Variants in ACBD7 observed in about 807,000 individuals in gnomAD.
ACBD7 encodes the protein acyl-CoA-binding domain-containing protein 7.
A neutral mutation model predicts 13.7 loss-of-function variants in ACBD7; 11 were observed. The observed-to-expected ratio is 0.80, with a 90% CI of 0.50 to 1.33. The LOEUF (loss-of-function observed/expected upper bound fraction) is 1.33. Ranked by LOEUF, ACBD7 falls within the 40% of genes most tolerant of loss-of-function variation. The pLI, the probability that ACBD7 is intolerant of heterozygous loss-of-function variation, is 0.00. For synonymous variants in ACBD7, 43 were observed against 37.7 expected, an observed-to-expected ratio of 1.14 and a Z score of -0.51; for missense variants, 111 against 103.0, an observed-to-expected ratio of 1.08 and a Z score of -0.33.
At chr10:15,084,018 C>T (rs769643032) in intron 1 of ACBD7, among the ~76,000 whole-genome samples, 7 of 152,156 alleles carry the variant, frequency 4.6e-5, no homozygotes, top group Non-Finnish European at 8.8e-5. Flanking sequence ...AGCAGTTGCT[C>T]TGGGAACACA....
In ACBD7 at chr10:15,076,459, G is replaced by T; in HGVS notation, c.*2071C>A. On this transcript the variant is annotated 3_prime_UTR_variant, in exon 4 of 4. Coordinates refer to ENST00000356189, the MANE Select transcript of ACBD7 (RefSeq NM_001039844.3). ...TTTAAAGAAAAATAGATATTCCTATGGGGGCTTTTTAAATTTCTTTAAACT... is the reference window on the plus strand; with the variant it reads ...TTTAAAGAAAAATAGATATTCCTATTGGGGCTTTTTAAATTTCTTTAAACT... 1 of 967,584 alleles carries T rather than the reference G, an allele frequency of 1.0e-6. No individual in the cohort carries two copies. Among genetic ancestry groups the T allele is most frequent in the Non-Finnish European group, 1.2e-6 (1 of 814,140 alleles). 59.9% of individuals were successfully genotyped at this position (967,584 alleles called of 1,614,324 possible).
chr10:15,088,102 C>T (rs1215295940), intron 1 of ACBD7, among the ~76,000 whole-genome samples: 1 of 152,092 alleles, frequency 6.6e-6, no homozygotes, highest in Non-Finnish European at 1.5e-5. Flanking sequence ...TACACAATAA[C>T]ATCATAGGTA....
At chr10:15,084,953 A>G (rs1179006593) in intron 1 of ACBD7, among the ~76,000 whole-genome samples, 2 of 151,978 alleles carry the variant, frequency 1.3e-5, no homozygotes, top group Admixed American at 6.6e-5. Context: ...TTAGTTCTAC[A>G]AAGTCAGTGT....
intron 1 of ACBD7, among the ~76,000 whole-genome samples, chr10:15,085,493 G>A (rs1204666119): frequency 6.6e-6 from 1 of 152,164 alleles, no homozygotes; most frequent in Non-Finnish European, 1.5e-5. Context: ...CTTTCCCATT[G>A]AGCAACCCAA....
chr10:15,079,447 G>T (rs570218766), intron 1 of ACBD7, among the ~76,000 whole-genome samples: 4 of 148,328 alleles, frequency 2.7e-5, no homozygotes, highest in Non-Finnish European at 5.9e-5. Flanking sequence ...GCTAATTTTT[G>T]TATTTTTTGT....
intron 1 of ACBD7, among the ~76,000 whole-genome samples, chr10:15,087,117 C>G (rs1008790347): frequency 2.0e-5 from 3 of 151,684 alleles, no homozygotes; most frequent in Non-Finnish European, 4.4e-5. Context: ...GAGGTCAAGG[C>G]TGCAGTGAGC....
rs1261568683 is a variant in ACBD7 at position 15,077,412 on chromosome 10, G to T, written c.*1118C>A. On this transcript the variant is annotated 3_prime_UTR_variant, in exon 4 of 4. Transcript: ENST00000356189. ...ACCACATGTTTTCACTTATAAGTGG[G>T]AGTTAAACAGGGTGTATACAGGGTC... 1.3e-5 allele frequency: 2 copies of T among 152,094 alleles called. No individual in the cohort carries two copies. Among genetic ancestry groups the T allele is most frequent in the Non-Finnish European group, 2.9e-5 (2 of 68,020 alleles). The allele number at this position is 152,094 out of a possible 1,614,324, so 9.4% of individuals were successfully genotyped here.
chr10:15,080,377 C>T (rs560344265), intron 1 of ACBD7, among the ~76,000 whole-genome samples: 2 of 151,728 alleles, frequency 1.3e-5, no homozygotes, highest in Non-Finnish European at 2.9e-5. Flanking sequence ...GTCAGGAGTT[C>T]GAGACCAGCC....
chr10:15,079,993 C>T (rs1234983752), intron 1 of ACBD7, among the ~76,000 whole-genome samples: 4 of 151,516 alleles, frequency 2.6e-5, no homozygotes, highest in East Asian at 3.9e-4. Flanking sequence ...GCAGGGGCTT[C>T]GCTACCAGTT....
chr10:15,076,199 T>C lies in ACBD7; in HGVS notation c.*2331A>G. The C allele has an allele frequency of 4.1e-6, 4 of 985,278 alleles. No homozygotes were observed. The highest frequency in any genetic ancestry group is 4.8e-6 in the Non-Finnish European group (4 of 829,892). 61.0% of individuals were successfully genotyped at this position (985,278 alleles called of 1,614,324 possible). On this transcript the variant is annotated 3_prime_UTR_variant, in exon 4 of 4. Transcript: ENST00000356189. ...TGCAGGGAATAGAGGTACACTGTTTTGGGGGATATTTATCTTAAGGGATCT... is the reference window on the plus strand; with the variant it reads ...TGCAGGGAATAGAGGTACACTGTTTCGGGGGATATTTATCTTAAGGGATCT...
intron 1 of ACBD7, among the ~76,000 whole-genome samples, chr10:15,080,060 A>G (rs1341111343): frequency 1.3e-5 from 2 of 152,178 alleles, no homozygotes; most frequent in South Asian, 2.1e-4. Flanking sequence ...ATTCTTTAAT[A>G]TCAGTATTAT....
chr10:15,076,212 T>C lies in ACBD7; in HGVS notation c.*2318A>G. 1.0e-6 allele frequency: 1 copy of C among 985,326 alleles called. No homozygotes were observed. The allele number at this position is 985,326 out of a possible 1,614,324, so 61.0% of individuals were successfully genotyped here. A position where few individuals can be genotyped will look rare whatever the true frequency, so the allele number is the denominator to read the frequency against. ...GGTACACTGTTTTGGGGGATATTTATCTTAAGGGATCTCAAACAATTTTTT... is the reference window on the plus strand; with the variant it reads ...GGTACACTGTTTTGGGGGATATTTACCTTAAGGGATCTCAAACAATTTTTT... On this transcript the variant is annotated 3_prime_UTR_variant, in exon 4 of 4. Coordinates refer to ENST00000356189, the MANE Select transcript of ACBD7 (RefSeq NM_001039844.3).
intron 1 of ACBD7, among the ~76,000 whole-genome samples, chr10:15,082,515 A>G (rs1823377189): frequency 6.6e-6 from 1 of 152,184 alleles, no homozygotes; most frequent in Admixed American, 6.5e-5. Context: ...AATCTTCTAT[A>G]ATGTGCATGG....
intron 1 of ACBD7, 75 bp from the exon 2 acceptor site, chr10:15,079,115 G>A (rs1844719028): frequency 1.1e-6 from 1 of 913,450 alleles, no homozygotes; most frequent in East Asian, 2.9e-5. Flanking sequence ...AGCAGGAAGA[G>A]GAAGGTTCCA....
intron 1 of ACBD7, among the ~76,000 whole-genome samples, chr10:15,087,948 G>A (rs1170677402): frequency 6.6e-6 from 1 of 152,150 alleles, no homozygotes; most frequent in Non-Finnish European, 1.5e-5. Context: ...AGGTTGCAGT[G>A]AGCAGAGATC....
At chr10:15,087,720 G>C (rs1027174320) in intron 1 of ACBD7, among the ~76,000 whole-genome samples, 4 of 152,008 alleles carry the variant, frequency 2.6e-5, no homozygotes, top group Non-Finnish European at 5.9e-5. Context: ...GGAGGTTGCG[G>C]TGAGCTGAGA....
At position 15,076,432 on chromosome 10, in the gene ACBD7, A is replaced by T. The variant is rs1844682552; in HGVS notation, c.*2098T>A. ...TTGTCTTAAATGTCTTAAATGTAAA[A>T]ATTTAAAGAAAAATAGATATTCCTA... is the stretch of plus-strand genomic sequence containing the variant. On this transcript the variant is annotated 3_prime_UTR_variant, in exon 4 of 4. Coordinates refer to ENST00000356189, the MANE Select transcript of ACBD7 (RefSeq NM_001039844.3). 1.0e-6 allele frequency: 1 copy of T among 973,700 alleles called. No individual in the cohort carries two copies. Among genetic ancestry groups the T allele is most frequent in the African/African-American group, 1.8e-5 (1 of 56,938 alleles). The allele number at this position is 973,700 out of a possible 1,614,324, so 60.3% of individuals were successfully genotyped here. A position where few individuals can be genotyped will look rare whatever the true frequency, so the allele number is the denominator to read the frequency against.
At chr10:15,085,675 T>C (rs1844800421) in intron 1 of ACBD7, among the ~76,000 whole-genome samples, 1 of 152,232 alleles carries the variant, frequency 6.6e-6, no homozygotes, top group South Asian at 2.1e-4. Context: ...AGCTTCATCA[T>C]CTAGGAAAGA....
chr10:15,082,873 C>T (rs1338924190), intron 1 of ACBD7, among the ~76,000 whole-genome samples: 3 of 151,870 alleles, frequency 2.0e-5, no homozygotes, highest in African/African-American at 7.3e-5. Context: ...ACCGTCTCTA[C>T]TAAAAATACA....
Sources: allele counts gnomAD v4.1 joint callset (sites outside exome capture counted in the v4.1 genomes callset), GRCh38; gene constraint gnomAD v4.1.1; transcripts MANE v1.5; gene names NCBI Gene and HGNC (gene_info 2026-07-23, HGNC 2026-07-21).